The following HTR4 variants were observed in gnomAD, a reference collection of about 807,000 sequenced individuals.
HTR4 encodes the protein 5-hydroxytryptamine (serotonin) receptor 4, G protein-coupled.
Under a neutral mutation model 36.8 loss-of-function variants are expected in HTR4, and 16 were observed. The ratio of observed to expected loss-of-function variants is 0.43; its 90% CI spans 0.29 to 0.66. The LOEUF (loss-of-function observed/expected upper bound fraction) is 0.66. HTR4 is among the 30% of genes least tolerant of loss of function. The pLI, the probability that HTR4 is intolerant of heterozygous loss-of-function variation, is 0.13. For synonymous variants in HTR4, 189 were observed against 185.1 expected (o/e 1.02, Z -0.17); for missense variants, 438 against 490.9 (o/e 0.89, Z 1.02).
chr5:148,605,982 T>A (rs978393226), intron 2 of HTR4, among the ~76,000 whole-genome samples: 16 of 152,148 alleles, frequency 1.1e-4, no homozygotes, highest in African/African-American at 1.4e-4. Flanking sequence ...ATTTGATAAA[T>A]AAGGCATGGC....
At chr5:148,534,757 G>A (rs1042501796) in intron 4 of HTR4, among the ~76,000 whole-genome samples, 1 of 152,002 alleles carries the variant, frequency 6.6e-6, no homozygotes, top group South Asian at 2.1e-4. Context: ...CCTTCAGTCT[G>A]GGCTGACTGC....
chr5:148,464,493 T>C (rs1213629230), intron 5 of HTR4, among the ~76,000 whole-genome samples: 1 of 152,162 alleles, frequency 6.6e-6, no homozygotes, highest in Non-Finnish European at 1.5e-5. Flanking sequence ...AATGAAAAGA[T>C]GCTGCACATA....
chr5:148,523,192 C>T lies in HTR4; in HGVS notation c.507+1G>A, dbSNP rs1758105567. On this transcript the variant is annotated splice_donor_variant, in intron 5 of 6. Transcript: ENST00000377888. LOFTEE classifies it high-confidence loss of function. ...CCAGTGAGGTCTGTGTGGATACTCACCAAATCAATTATGCCAATGTTATTC... is the reference window on the plus strand; with the variant it reads ...CCAGTGAGGTCTGTGTGGATACTCATCAAATCAATTATGCCAATGTTATTC... 1 of 1,612,856 alleles carries T rather than the reference C, an allele frequency of 6.2e-7. No homozygotes were observed. The highest frequency in any genetic ancestry group is 8.5e-7 in the Non-Finnish European group (1 of 1,179,420).
intron 2 of HTR4, among the ~76,000 whole-genome samples, chr5:148,557,512 T>C (rs1760008826): frequency 6.6e-6 from 1 of 151,936 alleles, no homozygotes. Context: ...GAGGGATGAC[T>C]GGGCAGGAGA....
At chr5:148,582,114 C>A (rs1194075728) in intron 2 of HTR4, among the ~76,000 whole-genome samples, 3 of 151,524 alleles carry the variant, frequency 2.0e-5, no homozygotes, top group African/African-American at 7.3e-5. Flanking sequence ...GTTTTCTTGA[C>A]TTTTTTTTGG....
intron 2 of HTR4, among the ~76,000 whole-genome samples, chr5:148,556,322 A>C (rs1990934): frequency 0.53 from 81,111 of 151,730 alleles, 22,670 homozygotes; most frequent in African/African-American, 0.71. Context: ...CCACGCCCAG[A>C]CTTTATTGTT....
downstream of HTR4, among the ~76,000 whole-genome samples, chr5:148,480,824 C>A (rs370217712): frequency 4.6e-5 from 7 of 152,148 alleles, no homozygotes; most frequent in East Asian, 7.7e-4. Context: ...AATTCATAGT[C>A]CTCGAGTGCT....
rs1270997732 is a variant in HTR4 at position 148,618,051 on chromosome 5, CA to C, written c.26+18937del. 3.3e-5 allele frequency among the ~76,000 whole-genome samples: 5 copies of C among 152,270 alleles called. No individual in the cohort carries two copies. The South Asian group carries it at 6.2e-4, about 19-fold the overall frequency. ...CTCCAAAACGTGAGGAGATGGCCAT[CA>C]GCATCTCTAGGCTTCTATGTTCTCA... On this transcript the variant is annotated intron_variant, in intron 2 of 6. Transcript: ENST00000377888.
chr5:148,645,143 G>A (rs562770504), intron 1 of HTR4: 1 of 152,300 alleles, frequency 6.6e-6, no homozygotes, highest in East Asian at 1.9e-4. Context: ...CAAGAATCAT[G>A]AAGGAGTAGA....
At chr5:148,648,573 C>G (rs34547173) in intron 1 of HTR4, among the ~76,000 whole-genome samples, 1 of 152,090 alleles carries the variant, frequency 6.6e-6, no homozygotes, top group East Asian at 1.9e-4. Flanking sequence ...CCTTTCAGAG[C>G]AGAAAAATAC....
rs185537111 is a variant in HTR4, at chr5:148,526,907, A to C, written c.354-3561T>G. ...TGTAGGGGGAGTATGAAGAGGGGTC[A>C]GCGAATGCATACAAAAATACAATTA... On this transcript the variant is annotated intron_variant, in intron 4 of 6. Coordinates refer to ENST00000377888, the MANE Select transcript of HTR4 (RefSeq NM_000870.7). 2.6e-3 allele frequency among the ~76,000 whole-genome samples: 401 copies of C among 152,272 alleles called. 10 individuals are homozygous for C. Among genetic ancestry groups the C allele is most frequent in the Non-Finnish European group, 4.6e-4 (31 of 68,016 alleles).
At chr5:148,598,216 G>A (rs897650714) in intron 2 of HTR4, among the ~76,000 whole-genome samples, 3 of 151,990 alleles carry the variant, frequency 2.0e-5, no homozygotes, top group Non-Finnish European at 4.4e-5. Context: ...GAGGTTGGTG[G>A]TAAAGAAATG....
At chr5:148,593,568 A>G (rs1454339290) in intron 2 of HTR4, among the ~76,000 whole-genome samples, 9 of 152,122 alleles carry the variant, frequency 5.9e-5, no homozygotes, top group Non-Finnish European at 8.8e-5. Context: ...TAATGTAATT[A>G]ACTTAATTCT....
intron 1 of HTR4, among the ~76,000 whole-genome samples, chr5:148,639,616 A>AGT (rs1753662018): frequency 1.4e-5 from 1 of 69,168 alleles, no homozygotes; most frequent in South Asian, 6.0e-4. Context: ...TTTTCTTCCC[A>AGT]GTATATATAT....
intron 2 of HTR4, chr5:148,628,476 G>A (rs539192697): frequency 5.9e-5 from 9 of 152,078 alleles, no homozygotes; most frequent in South Asian, 2.1e-4. Context: ...TTTTATTGTC[G>A]AAATCCATTT....
chr5:148,653,120 C>T (rs916080902), intron 1 of HTR4, among the ~76,000 whole-genome samples: 1 of 152,134 alleles, frequency 6.6e-6, no homozygotes, highest in Non-Finnish European at 1.5e-5. Flanking sequence ...ACCACAGTCA[C>T]CCACAGCTTT....
chr5:148,576,128 A>AAAAAAAAAAAAC lies in HTR4; in HGVS notation c.27-25867_27-25866insGTTTTTTTTTTT, dbSNP rs1561629268. Among the ~76,000 whole-genome samples, 263 of 144,634 alleles carry AAAAAAAAAAAAC rather than the reference A, an allele frequency of 1.8e-3. 7 individuals carry two copies. The highest frequency in any genetic ancestry group is 6.2e-3 in the African/African-American group (243 of 38,902). 94.9% of individuals were successfully genotyped at this position (144,634 alleles called of 152,430 possible). On this transcript the variant is annotated intron_variant, in intron 2 of 6. Coordinates refer to ENST00000377888, the MANE Select transcript of HTR4 (RefSeq NM_000870.7). ...TCCGTCTCAAAAAAAAAAAAAAAAAAAAAAACAAAATCAATGTAAAAAATC... is the reference window on the plus strand; with the variant it reads ...TCCGTCTCAAAAAAAAAAAAAAAAAAAAAAAAAAAAACAAAAACAAAATCAATGTAAAAAATC...
At chr5:148,537,951 C>T (rs527760066) in intron 4 of HTR4, among the ~76,000 whole-genome samples, 163 of 152,258 alleles carry the variant, frequency 1.1e-3, no homozygotes, top group Non-Finnish European at 1.9e-3. Context: ...GGCCAGTATC[C>T]TTACATGAAT....
At chr5:148,459,615 A>G (rs1372317132) in intron 5 of HTR4, among the ~76,000 whole-genome samples, 2 of 152,138 alleles carry the variant, frequency 1.3e-5, no homozygotes, top group African/African-American at 4.8e-5. Context: ...ACTACAAACC[A>G]TTCCCCTCCC....
Sources: allele counts gnomAD v4.1 joint callset (sites outside exome capture counted in the v4.1 genomes callset), GRCh38; gene constraint gnomAD v4.1.1; transcripts MANE v1.5; gene names NCBI Gene and HGNC (gene_info 2026-07-23, HGNC 2026-07-21).